CLK4: variants seen among roughly 807,000 people sequenced by gnomAD.
CLK4 encodes the protein CDC like kinase 4, also known as dual specificity protein kinase CLK4.
Under a neutral mutation model 64.4 loss-of-function variants are expected in CLK4, and 37 were observed. The ratio of observed to expected loss-of-function variants is 0.57; its 90% confidence interval spans 0.44 to 0.76. The LOEUF (loss-of-function observed/expected upper bound fraction) is 0.76. CLK4 is among the 30% of genes least tolerant of loss of function. The pLI is 0.00. For missense variants in CLK4, 457 were observed against 605.1 expected, an observed-to-expected ratio of 0.76 and a Z score of 2.57; for synonymous variants, 175 against 191.6, an observed-to-expected ratio of 0.91 and a Z score of 0.72.
At chr5:178,621,446 A>G (rs1449256427) in intron 2 of CLK4, among the ~76,000 whole-genome samples, 1 of 152,226 alleles carries the variant, frequency 6.6e-6, no homozygotes, top group Non-Finnish European at 1.5e-5. Flanking sequence ...CAAATCATAA[A>G]GAAAAGACAC....
Position 178,613,469 on chromosome 5 carries a change from T to C in CLK4, c.826+4A>G. On this transcript the variant is annotated splice_donor_region_variant and intron_variant, in intron 7 of 12. Coordinates refer to ENST00000316308, the MANE Select transcript of CLK4 (RefSeq NM_020666.3). ...AAAAATAAAGATTTATCAAGTGTAC[T>C]TACAATTTATTGACTGGCAGATCTG... 3 of 1,519,842 alleles carry C rather than the reference T, an allele frequency of 2.0e-6. No individual in the cohort carries two copies. The highest frequency in any genetic ancestry group is 2.6e-6 in the Non-Finnish European group (3 of 1,136,324). 94.1% of individuals were successfully genotyped at this position (1,519,842 alleles called of 1,614,324 possible).
At position 178,613,620 on chromosome 5, in the gene CLK4, C is replaced by G; in HGVS notation, c.679G>C (p.Glu227Gln). 1 of 1,609,730 alleles carries G rather than the reference C, an allele frequency of 6.2e-7. No individual in the cohort carries two copies. The highest frequency in any genetic ancestry group is 1.1e-5 in the South Asian group (1 of 89,910). Residue 227 changes from glutamate (E) to glutamine (Q), a missense_variant, in exon 7 of 13, where the codon GAA becomes CAA. Coordinates refer to ENST00000316308, the MANE Select transcript of CLK4 (RefSeq NM_020666.3). ...ACATGACCATGATGATCAAACCATT[C>G]TAGCATCTGGACACATCGGCTAAAA... is the stretch of plus-strand genomic sequence containing the variant. ...NSVFRCVQML[E>Q]WFDHHGHVCI...
intron 1 of CLK4, among the ~76,000 whole-genome samples, chr5:178,626,681 G>A (rs1393266235): frequency 6.6e-6 from 1 of 150,410 alleles, no homozygotes; most frequent in African/African-American, 2.5e-5. Flanking sequence ...AGCCGCGCTC[G>A]CCAGGCAGCA....
chr5:178,607,543 A>C (rs1581704500), intron 10 of CLK4, among the ~76,000 whole-genome samples: 3 of 100,876 alleles, frequency 3.0e-5, no homozygotes, highest in African/African-American at 4.0e-5. Context: ...ACAGAGTCTC[A>C]CCCTGTTGTC....
chr5:178,605,234 T>C (rs1764450737), intron 11 of CLK4, 69 bp downstream of exon 11: 1 of 935,758 alleles, frequency 1.1e-6, no homozygotes, highest in Non-Finnish European at 1.6e-6. Context: ...ACAACAACGT[T>C]GGGTTTTCTG....
At position 178,616,879 on chromosome 5, in the gene CLK4, TACATGCCATGATCAATGCACTCTAC is replaced by T; in HGVS notation, c.520_542+2del. ...ATGTTTGAAAAGGAAAAAACAAACT[TACATGCCATGATCAATGCACTCTAC>T]AACTTTGCCAAAGGCTCCTTCACCC... On this transcript the variant is annotated splice_donor_variant and coding_sequence_variant, in exon 5 of 13. Transcript: ENST00000316308. LOFTEE classifies it high-confidence loss of function. 1 of 1,608,674 alleles carries T rather than the reference TACATGCCATGATCAATGCACTCTAC, an allele frequency of 6.2e-7. No individual in the cohort carries two copies. Among genetic ancestry groups the T allele is most frequent in the Non-Finnish European group, 8.5e-7 (1 of 1,175,486 alleles).
rs116555629 is a variant in CLK4, at chr5:178,620,191, G to A, written c.162-1413C>T. The A allele has an allele frequency of 1.0e-3, 292 of 280,556 alleles. 2 individuals are homozygous for A. The highest frequency in any genetic ancestry group is 5.9e-3 in the African/African-American group (269 of 45,960). The allele number at this position is 280,556 out of a possible 1,614,324, so 17.4% of individuals were successfully genotyped here. A position where few individuals can be genotyped will look rare whatever the true frequency, so the allele number is the denominator to read the frequency against. ...ATTGGAGAAACAACTCAGGATATTT[G>A]GGTAAGACTGTGGGTAGTCTAGGTC... On this transcript the variant is annotated intron_variant, in intron 2 of 12. Transcript: ENST00000316308.
chr5:178,609,810 G>A lies in CLK4; in HGVS notation c.1052-1352C>T, dbSNP rs1044971793. On this transcript the variant is annotated intron_variant, in intron 9 of 12. Transcript: ENST00000316308. The stretch of plus-strand genomic sequence containing the variant: ...TGTAATCCCAGCTACTCAGGAGGCT[G>A]AGGCAGGAGAATCGCTTGAACCCGG... Among the ~76,000 whole-genome samples the A allele has an allele frequency of 9.9e-5, 15 of 151,050 alleles. No homozygotes were observed. In the South Asian group the frequency reaches 2.7e-3, roughly 27 times the overall value.
intron 11 of CLK4, 41 bp downstream of exon 11, chr5:178,605,262 A>G: frequency 8.2e-7 from 1 of 1,219,972 alleles, no homozygotes; most frequent in Non-Finnish European, 1.2e-6. Flanking sequence ...AATATATGCT[A>G]TTGCACATAT....
At chr5:178,626,657 C>G (rs541789875) in intron 1 of CLK4, among the ~76,000 whole-genome samples, 98 of 152,304 alleles carry the variant, frequency 6.4e-4, no homozygotes, top group African/African-American at 2.3e-3. Flanking sequence ...GAGGTCCCGA[C>G]AGGGTTAACC....
chr5:178,615,449 T>A (rs988437780), intron 5 of CLK4, among the ~76,000 whole-genome samples: 1 of 152,222 alleles, frequency 6.6e-6, no homozygotes, highest in Admixed American at 6.5e-5. Context: ...CTGAAAATAT[T>A]TCAAAATACT....
chr5:178,606,797 A>C (rs980545424), intron 10 of CLK4, among the ~76,000 whole-genome samples: 1 of 152,004 alleles, frequency 6.6e-6, no homozygotes, highest in Non-Finnish European at 1.5e-5. Flanking sequence ...ACCCTCTACT[A>C]AAAATACAAA....
At chr5:178,620,101 A>G (rs903293347) in intron 2 of CLK4, 1 of 302,414 alleles carries the variant, frequency 3.3e-6, no homozygotes, top group Admixed American at 3.8e-5. Context: ...GCTAGCATCA[A>G]ATCCAGGCTG....
chr5:178,614,217 T>C (rs1764596088), intron 5 of CLK4, among the ~76,000 whole-genome samples: 1 of 152,240 alleles, frequency 6.6e-6, no homozygotes, highest in South Asian at 2.1e-4. Flanking sequence ...GCACAGATAT[T>C]AGTGATTAAA....
chr5:178,618,824 A>G lies in CLK4; in HGVS notation c.162-46T>C, dbSNP rs187743822. On this transcript the variant is annotated intron_variant, in intron 2 of 12. Coordinates refer to ENST00000316308, the MANE Select transcript of CLK4 (RefSeq NM_020666.3). ...TTCAAATTATTCTCTTCATTCTGCAATAATGTGGTTCAAACAAAACATTTT... is the reference window on the plus strand; with the variant it reads ...TTCAAATTATTCTCTTCATTCTGCAGTAATGTGGTTCAAACAAAACATTTT... 5 of 1,486,132 alleles carry G rather than the reference A, an allele frequency of 3.4e-6. No homozygotes were observed. In the South Asian group the frequency reaches 3.5e-5, roughly 10 times the overall value. 92.1% of individuals were successfully genotyped at this position (1,486,132 alleles called of 1,614,324 possible). A position where few individuals can be genotyped will look rare whatever the true frequency, so the allele number is the denominator to read the frequency against.
Position 178,613,832 on chromosome 5 carries a change from T to C in CLK4, c.554A>G (p.His185Arg). Residue 185 changes from histidine (H) to arginine (R), a missense_variant, in exon 6 of 13, where the codon CAT becomes CGT. Physicochemically the swap from His to Arg is conservative, Grantham distance 29. Transcript: ENST00000316308. ...ECIDHGMDGM[H>R]VAVKIVKNVG... ...ATTTTTTACGATTTTCACTGCTACA[T>C]GCATGCCATCCCTTAAAAATAAAAT... is the stretch of plus-strand genomic sequence containing the variant. 1.2e-6 allele frequency: 2 copies of C among 1,612,136 alleles called. No individual in the cohort carries two copies. Among genetic ancestry groups the C allele is most frequent in the South Asian group, 2.2e-5 (2 of 90,976 alleles).
chr5:178,620,478 C>A, intron 2 of CLK4: 1 of 324,338 alleles, frequency 3.1e-6, no homozygotes, highest in South Asian at 2.4e-5. Flanking sequence ...TAGATAATGG[C>A]CAATGACCAA....
At position 178,616,968 on chromosome 5, in the gene CLK4, A is replaced by G; in HGVS notation, c.476-20T>C. 1 of 1,567,748 alleles carries G rather than the reference A, an allele frequency of 6.4e-7. No homozygotes were observed. The highest frequency in any genetic ancestry group is 8.8e-7 in the Non-Finnish European group (1 of 1,138,130). On this transcript the variant is annotated intron_variant, in intron 4 of 12. Transcript: ENST00000316308. The stretch of plus-strand genomic sequence containing the variant: ...TTTCATCTAGAGTGAGGAGGGAAAA[A>G]GAGGTGTAAGTACCTGAGTACAAAC...
intron 9 of CLK4, among the ~76,000 whole-genome samples, chr5:178,609,755 AT>A (rs1370848646): frequency 9.1e-5 from 13 of 142,834 alleles, no homozygotes; most frequent in Admixed American, 2.1e-4. Flanking sequence ...ATATATATAT[AT>A]AAATTAGTTG....
Sources: allele counts gnomAD v4.1 joint callset (sites outside exome capture counted in the v4.1 genomes callset), GRCh38; gene constraint gnomAD v4.1.1; transcripts MANE v1.5; gene names NCBI Gene and HGNC (gene_info 2026-07-23, HGNC 2026-07-21).